The following TRPV1 variants were observed in gnomAD, a reference collection of about 807,000 sequenced individuals.
The protein encoded by TRPV1 is OTRPC1.
In TRPV1, 82 loss-of-function variants were observed where a neutral mutation model predicts 82.3. The ratio of observed to expected loss-of-function variants is 1.00; its 90% CI spans 0.83 to 1.20. The LOEUF (loss-of-function observed/expected upper bound fraction) is 1.20. Ranked by LOEUF, TRPV1 falls within the 50% of genes most tolerant of loss-of-function variation. TRPV1 has a pLI of 0.00. For synonymous variants in TRPV1, 515 were observed against 467.7 expected, an observed-to-expected ratio of 1.10 and a Z score of -1.30; for missense variants, 1,067 against 1,096.8, an observed-to-expected ratio of 0.97 and a Z score of 0.38.
Position 3,592,249 on chromosome 17 carries a change from A to C in TRPV1, c.102T>G (p.Pro34=), listed in dbSNP as rs766438653. 6.8e-6 allele frequency: 11 copies of C among 1,609,624 alleles called. No individual in the cohort carries two copies. The highest frequency in any genetic ancestry group is 9.3e-6 in the Non-Finnish European group (11 of 1,178,080). The part of the protein sequence containing the change: ...PLDGDPNSRP[P]PAKPQLSTAK... ...CCGTGGAGAGCTGGGGCTTGGCTGG[A>C]GGTGGCCTGGAGTTAGGGTCTCCAT... The change falls in exon 3 of 17, where the codon CCT becomes CCG. Residue 34 remains proline, a synonymous_variant. Coordinates refer to ENST00000572705, the MANE Select transcript of TRPV1 (RefSeq NM_080704.4).
chr17:3,599,753 C>G (rs1297173760), intron 2 of TRPV1, among the ~76,000 whole-genome samples: 1 of 151,934 alleles, frequency 6.6e-6, no homozygotes, highest in Non-Finnish European at 1.5e-5. Flanking sequence ...CTCAGCCTCC[C>G]GAGTAGTTGG....
chr17:3,599,956 G>A (rs116371547), intron 2 of TRPV1, among the ~76,000 whole-genome samples: 3,332 of 152,222 alleles, frequency 0.022, 143 homozygotes, highest in African/African-American at 0.077. Context: ...TTCCACTGGG[G>A]CGTGGGATGG....
chr17:3,572,364 G>C (rs1024013141), intron 14 of TRPV1, 115 bp from the exon 15 acceptor site: 19 of 1,350,140 alleles, frequency 1.4e-5, no homozygotes, highest in African/African-American at 2.9e-5. Context: ...ATGCCTCCAG[G>C]GTGGTTGTCC....
intron 2 of TRPV1, among the ~76,000 whole-genome samples, chr17:3,606,274 C>T (rs1311309809): frequency 2.6e-5 from 4 of 152,176 alleles, no homozygotes; most frequent in East Asian, 1.9e-4. Flanking sequence ...GCTTACTTCT[C>T]TGTCCCACTG....
At chr17:3,577,312 G>A (rs2074946710) in intron 12 of TRPV1, 120 bp from the exon 13 acceptor site, 1 of 1,123,016 alleles carries the variant, frequency 8.9e-7, no homozygotes, top group African/African-American at 1.6e-5. Context: ...TTGCTTTGCT[G>A]GTTCTCAGCT....
At chr17:3,589,670 G>A (rs1597540646) in intron 7 of TRPV1, 137 bp downstream of exon 7, 2 of 1,070,292 alleles carry the variant, frequency 1.9e-6, no homozygotes. Flanking sequence ...TATTCTAACA[G>A]CCCTACAGGC....
intron 2 of TRPV1, among the ~76,000 whole-genome samples, chr17:3,600,869 C>T (rs916936333): frequency 2.6e-5 from 4 of 152,170 alleles, no homozygotes; most frequent in African/African-American, 9.7e-5. Flanking sequence ...TCTTCTCCAG[C>T]TCCACCACTG....
intron 9 of TRPV1, 79 bp from the exon 10 acceptor site, chr17:3,583,509 T>A: frequency 8.4e-7 from 1 of 1,190,442 alleles, no homozygotes. Context: ...CATGAAGCCA[T>A]AGTCCCTGCC....
In TRPV1 at chr17:3,577,633, G is replaced by T. The variant is rs199723270; in HGVS notation, c.1678C>A (p.Gln560Lys). The change falls in exon 12 of 17, where the codon CAG becomes AAG. Residue 560 changes from glutamine to lysine, a missense_variant. Transcript: ENST00000572705. ...ATGACGGCATAGATGCCCATCTGCT[G>T]GAAACCGCGGGTGTAGTAGAGCATG... is the stretch of plus-strand genomic sequence containing the variant. ...TNMLYYTRGF[Q>K]QMGIYAVMIE... 2 of 1,583,320 alleles carry T rather than the reference G, an allele frequency of 1.3e-6. No homozygotes were observed. Among genetic ancestry groups the T allele is most frequent in the Non-Finnish European group, 1.7e-6 (2 of 1,165,064 alleles).
chr17:3,591,042 G>A lies in TRPV1; in HGVS notation c.526C>T (p.Leu176=), dbSNP rs202104784. The A allele has an allele frequency of 1.2e-5, 19 of 1,612,806 alleles. No homozygotes were observed. The African/African-American group carries it at 2.4e-4, about 20-fold the overall frequency. ...GTTTGCCGCGCGATCTCCAGGAGCA[G>A]GGGGATGGTGGTGTTCTGTCCGTCG... is the stretch of plus-strand genomic sequence containing the variant. ...LHDGQNTTIP[L]LLEIARQTDS... The change falls in exon 5 of 17, where the codon CTG becomes TTG. Residue 176 remains leucine, a synonymous_variant. Coordinates refer to ENST00000572705, the MANE Select transcript of TRPV1 (RefSeq NM_080704.4).
At chr17:3,577,403 G>A (rs977576629) in intron 12 of TRPV1, among the ~76,000 whole-genome samples, 195 bp downstream of exon 12, 11 of 152,164 alleles carry the variant, frequency 7.2e-5, no homozygotes, top group Non-Finnish European at 1.6e-4. Context: ...GTGCAGGGGG[G>A]GTCAGGTTTC....
chr17:3,572,720 C>T lies in TRPV1; in HGVS notation c.2104-471G>A, dbSNP rs74375162. On this transcript the variant is annotated intron_variant, in intron 14 of 16. Coordinates refer to ENST00000572705, the MANE Select transcript of TRPV1 (RefSeq NM_080704.4). Reference sequence around the variant, plus strand: ...CAGTATAGCCAGGCACAGTGGCTCACGCCTGTGATCCCAGCACTTTGGGAG... The same window carrying T: ...CAGTATAGCCAGGCACAGTGGCTCATGCCTGTGATCCCAGCACTTTGGGAG... Among the ~76,000 whole-genome samples, 363 of 152,296 alleles carry T rather than the reference C, an allele frequency of 2.4e-3. 11 individuals are homozygous for T. The East Asian group carries it at 0.053, about 22-fold the overall frequency.
rs11400955 is a variant in TRPV1 at position 3,589,209 on chromosome 17, CTT to C, written c.1044+596_1044+597del. ...AACACCAACAGCTTTTTTCTTTTTC[CTT>C]TTTTTTTTTTTTTGAGACAGAGTCT... On this transcript the variant is annotated intron_variant, in intron 7 of 16. Coordinates refer to ENST00000572705, the MANE Select transcript of TRPV1 (RefSeq NM_080704.4). Among the ~76,000 whole-genome samples, 9 of 137,614 alleles carry C rather than the reference CTT, an allele frequency of 6.5e-5. 1 individual carries two copies. In the South Asian group the frequency reaches 6.8e-4, roughly 10 times the overall value. The allele number at this position is 137,614 out of a possible 152,430, so 90.3% of individuals were successfully genotyped here. A position where few individuals can be genotyped will look rare whatever the true frequency, so the allele number is the denominator to read the frequency against.
intron 13 of TRPV1, among the ~76,000 whole-genome samples, chr17:3,576,480 A>G (rs2074929564): frequency 5.3e-5 from 8 of 151,152 alleles, no homozygotes. Context: ...GTGAAACCCC[A>G]TCTCTACTAA....
intron 11 of TRPV1, among the ~76,000 whole-genome samples, chr17:3,579,691 G>T (rs1029781879): frequency 1.2e-4 from 18 of 152,066 alleles, no homozygotes; most frequent in Non-Finnish European, 2.4e-4. Flanking sequence ...GGCCAGTCTG[G>T]TCTTGAACTC....
chr17:3,589,014 G>A (rs1282987760), intron 7 of TRPV1: 1 of 1,490,450 alleles, frequency 6.7e-7, no homozygotes, highest in Admixed American at 2.0e-5. Context: ...AGCCAGATGG[G>A]GTGGCTCATG....
intron 10 of TRPV1, among the ~76,000 whole-genome samples, chr17:3,581,658 G>A (rs1202768126): frequency 3.3e-5 from 5 of 151,932 alleles, no homozygotes; most frequent in African/African-American, 4.8e-5. Flanking sequence ...AGGCCGAGGC[G>A]GGCGGATCAC....
chr17:3,583,347 AAAG>A lies in TRPV1; in HGVS notation c.1464_1466del (p.Phe490del), dbSNP rs753881713. 6.8e-6 allele frequency: 11 copies of A among 1,608,466 alleles called. No homozygotes were observed. The highest frequency in any genetic ancestry group is 4.0e-5 in the African/African-American group (3 of 74,866). On this transcript the variant is annotated inframe_deletion, in exon 10 of 17. Transcript: ENST00000572705. ...GGGAAGGAACGCTTACCCCTCGGAAAAAGAAGTAGACTCCTCCTAACACAGACA... is the reference window on the plus strand; with the variant it reads ...GGGAAGGAACGCTTACCCCTCGGAAAAAGTAGACTCCTCCTAACACAGACA...
intron 2 of TRPV1, among the ~76,000 whole-genome samples, chr17:3,607,990 G>A (rs2150862843): frequency 6.6e-6 from 1 of 152,154 alleles, no homozygotes; most frequent in African/African-American, 2.4e-5. Flanking sequence ...CAAGGTAAGT[G>A]GATCACCTGA....
Sources: allele counts gnomAD v4.1 joint callset (sites outside exome capture counted in the v4.1 genomes callset), GRCh38; gene constraint gnomAD v4.1.1; transcripts MANE v1.5; gene names NCBI Gene and HGNC (gene_info 2026-07-23, HGNC 2026-07-21).